KAZN: variants seen among roughly 807,000 people sequenced by gnomAD.
KAZN encodes the protein kazrin, periplakin interacting protein.
A neutral mutation model predicts 87.4 loss-of-function variants in KAZN; 40 were observed. That is an observed-to-expected ratio of 0.46 (90% CI 0.36 to 0.60). KAZN has a LOEUF of 0.60. KAZN is among the 20% of genes least tolerant of loss of function. The probability of loss-of-function intolerance (pLI) is 0.00; values close to 1 mark genes in which losing one functional copy is unlikely to be tolerated. For missense variants in KAZN, 898 were observed against 1,073.9 expected (o/e 0.84, Z 2.29); for synonymous variants, 466 against 458.3 (o/e 1.02, Z -0.22).
chr1:14,598,713 C>T lies in KAZN; in HGVS notation c.-285C>T. On this transcript the variant is annotated 5_prime_UTR_variant, in exon 1 of 15. Coordinates refer to ENST00000376030, the MANE Select transcript of KAZN (RefSeq NM_201628.3). This position sits in a 1 kb window ranked among gnomAD's most constrained non-coding sequence, Gnocchi z 4.2. ...CTTGGAGCAGCTCTCGGCGCCCGCCCGCCGGGGTCTCGGCGATCGCTGCTC... is the reference window on the plus strand; with the variant it reads ...CTTGGAGCAGCTCTCGGCGCCCGCCTGCCGGGGTCTCGGCGATCGCTGCTC... 2.3e-6 allele frequency: 3 copies of T among 1,317,848 alleles called. No homozygotes were observed. The highest frequency in any genetic ancestry group is 2.2e-5 in the South Asian group (1 of 45,158). The allele number at this position is 1,317,848 out of a possible 1,614,324, so 81.6% of individuals were successfully genotyped here. A position where few individuals can be genotyped will look rare whatever the true frequency, so the allele number is the denominator to read the frequency against.
chr1:14,313,704 T>C (rs977685038), intron 2 of KAZN, among the ~76,000 whole-genome samples: 10 of 152,182 alleles, frequency 6.6e-5, no homozygotes, highest in African/African-American at 2.4e-4. Context: ...GGTTATCATC[T>C]AGATCATCAT....
intron 1 of KAZN, among the ~76,000 whole-genome samples, chr1:13,946,248 A>G (rs1406267831): frequency 6.6e-6 from 1 of 152,184 alleles, no homozygotes; most frequent in African/African-American, 2.4e-5. Flanking sequence ...GAAGAGGAGA[A>G]ACATCACACA....
At chr1:14,460,918 A>G (rs1667818289) in intron 2 of KAZN, among the ~76,000 whole-genome samples, 1 of 152,198 alleles carries the variant, frequency 6.6e-6, no homozygotes, top group Admixed American at 6.5e-5. Context: ...GAGTCTCAGA[A>G]ATGTGAAAGA....
chr1:14,538,879 G>A (rs1672650173), intron 2 of KAZN, among the ~76,000 whole-genome samples: 1 of 152,112 alleles, frequency 6.6e-6, no homozygotes, highest in Non-Finnish European at 1.5e-5. Flanking sequence ...CCATTCACAG[G>A]GACTCTTTCT....
rs548717314 is a variant in KAZN, at chr1:14,993,431, T to C, written c.418+32556T>C. 1.8e-4 allele frequency among the ~76,000 whole-genome samples: 28 copies of C among 151,836 alleles called. No individual in the cohort carries two copies. The East Asian group carries it at 4.9e-3, about 27-fold the overall frequency. On this transcript the variant is annotated intron_variant, in intron 2 of 14. Transcript: ENST00000376030. ...TTGCAGTGAGCCAAGATCACGCCATTGCACTCCAGCCTGGGCAACAAGAGC... is the reference window on the plus strand; with the variant it reads ...TTGCAGTGAGCCAAGATCACGCCATCGCACTCCAGCCTGGGCAACAAGAGC...
chr1:14,430,887 G>A (rs1666026125), intron 2 of KAZN, among the ~76,000 whole-genome samples: 1 of 152,186 alleles, frequency 6.6e-6, no homozygotes, highest in South Asian at 2.1e-4. Context: ...ATGAGCAAGA[G>A]GCTAGAAAGC....
intron 2 of KAZN, among the ~76,000 whole-genome samples, chr1:14,223,954 G>T (rs1018625693): frequency 6.6e-6 from 1 of 152,124 alleles, no homozygotes. Context: ...CAACAAACAC[G>T]AAGGGAGAAC....
chr1:14,270,425 G>A (rs572397455), intron 2 of KAZN, among the ~76,000 whole-genome samples: 59 of 152,284 alleles, frequency 3.9e-4, no homozygotes, highest in Non-Finnish European at 7.5e-4. Flanking sequence ...TAGACACCTT[G>A]GGCAAAATAT....
At chr1:14,535,399 G>A (rs1305813506) in intron 2 of KAZN, among the ~76,000 whole-genome samples, 2 of 152,186 alleles carry the variant, frequency 1.3e-5, no homozygotes, top group Non-Finnish European at 2.9e-5. Flanking sequence ...GGGTGTGGTG[G>A]GCTCACGCCT....
intron 2 of KAZN, among the ~76,000 whole-genome samples, chr1:14,188,234 T>TGTGTGTGTGTGA (rs1646352276): frequency 7.0e-6 from 1 of 142,084 alleles, no homozygotes; most frequent in Non-Finnish European, 1.6e-5. Context: ...TGTGTGTGTG[T>TGTGTGTGTGTGA]GTGAAAGAGA....
chr1:14,570,044 T>TAG (rs933911037), intron 2 of KAZN, among the ~76,000 whole-genome samples: 70 of 152,056 alleles, frequency 4.6e-4, no homozygotes, highest in African/African-American at 1.6e-3. Flanking sequence ...ACCCAGGAGG[T>TAG]AGAGGTTGCA....
At chr1:14,437,360 T>C (rs1346388358) in intron 2 of KAZN, among the ~76,000 whole-genome samples, 1 of 152,178 alleles carries the variant, frequency 6.6e-6, no homozygotes, top group Non-Finnish European at 1.5e-5. Flanking sequence ...AACGCGCATG[T>C]TGAAGAGCTC....
chr1:15,003,394 T>G (rs1478292581), intron 2 of KAZN, among the ~76,000 whole-genome samples: 22 of 152,164 alleles, frequency 1.4e-4, no homozygotes, highest in Admixed American at 1.4e-3. Flanking sequence ...ATGAATAGAT[T>G]CATTATCTTG....
At chr1:14,873,565 T>C (rs768420242) in intron 1 of KAZN, among the ~76,000 whole-genome samples, 1 of 151,814 alleles carries the variant, frequency 6.6e-6, no homozygotes, top group African/African-American at 2.4e-5. Context: ...GGAGAGGAAA[T>C]GTAAAAGGAG....
intron 1 of KAZN, among the ~76,000 whole-genome samples, chr1:14,826,684 T>C (rs1048546069): frequency 3.3e-5 from 5 of 151,868 alleles, no homozygotes; most frequent in Admixed American, 6.6e-5. Flanking sequence ...AGCGGCTGGA[T>C]TTTTTTTCAT....
At chr1:14,848,627 C>T (rs546132382) in intron 1 of KAZN, among the ~76,000 whole-genome samples, 142 of 152,314 alleles carry the variant, frequency 9.3e-4, no homozygotes, top group African/African-American at 3.2e-3. Context: ...GGAGCATGAA[C>T]ATCCACTCTT....
chr1:14,876,493 G>A (rs1652783306), intron 1 of KAZN, among the ~76,000 whole-genome samples: 1 of 152,314 alleles, frequency 6.6e-6, no homozygotes, highest in Non-Finnish European at 1.5e-5. Flanking sequence ...TCACTCCTGT[G>A]CAGGTCTTTG....
intron 8 of KAZN, among the ~76,000 whole-genome samples, chr1:15,087,998 C>T (rs1048847374): frequency 6.6e-6 from 1 of 152,210 alleles, no homozygotes; most frequent in Non-Finnish European, 1.5e-5. Context: ...GTTGATAAGC[C>T]ACGGAGCTGG....
chr1:14,654,510 A>G (rs903885300), intron 1 of KAZN, among the ~76,000 whole-genome samples: 1 of 151,878 alleles, frequency 6.6e-6, no homozygotes, highest in African/African-American at 2.4e-5. Flanking sequence ...TTCATGCAAA[A>G]TAGCCCCCGC....
Sources: gnomAD v4.1 joint callset for allele counts (sites outside exome capture counted in the v4.1 genomes callset) on GRCh38, gnomAD v4.1.1 for gene constraint, Gnocchi (gnomAD v3.1) non-coding constraint, MANE v1.5 for transcripts, NCBI Gene and HGNC (gene_info 2026-07-23, HGNC 2026-07-21) for gene names.